The following ST8SIA6 variants were observed in gnomAD, a reference collection of about 807,000 sequenced individuals.
ST8SIA6 encodes alpha-2,8-sialyltransferase 8F.
A neutral mutation model predicts 33.6 loss-of-function variants in ST8SIA6; 39 were observed. That is an observed-to-expected ratio of 1.16 (90% CI 0.90 to 1.52). ST8SIA6 has a LOEUF of 1.52. Ranked by LOEUF, ST8SIA6 falls within the 40% of genes most tolerant of loss-of-function variation. ST8SIA6 has a pLI of 0.00. For missense variants in ST8SIA6, 441 were observed against 443.8 expected (o/e 0.99, Z 0.06); for synonymous variants, 172 against 167.2 (o/e 1.03, Z -0.22).
At chr10:17,324,875 G>T (rs1014305856) in intron 6 of ST8SIA6, among the ~76,000 whole-genome samples, 1 of 143,948 alleles carries the variant, frequency 6.9e-6, no homozygotes, top group African/African-American at 2.6e-5. Context: ...ATGCATATAT[G>T]TAATATATGT....
intron 2 of ST8SIA6, chr10:17,413,508 C>G (rs116814344): frequency 6.6e-6 from 1 of 152,116 alleles, no homozygotes; most frequent in East Asian, 1.9e-4. Context: ...TCTTTGACAT[C>G]GCTTCTGTCT....
chr10:17,428,562 C>G (rs965516858), intron 2 of ST8SIA6, among the ~76,000 whole-genome samples: 1 of 151,790 alleles, frequency 6.6e-6, no homozygotes, highest in African/African-American at 2.4e-5. Context: ...GAGGAGAGGC[C>G]GTTGGAAGGG....
At chr10:17,410,969 G>A (rs529348125) in intron 2 of ST8SIA6, among the ~76,000 whole-genome samples, 1 of 152,118 alleles carries the variant, frequency 6.6e-6, no homozygotes, top group South Asian at 2.1e-4. Context: ...GGTTAGCAGA[G>A]CATCCCAAGG....
At chr10:17,417,277 C>T (rs1267286212) in intron 2 of ST8SIA6, among the ~76,000 whole-genome samples, 1 of 152,138 alleles carries the variant, frequency 6.6e-6, no homozygotes. Flanking sequence ...CCAAACACCT[C>T]TCACTAGGCC....
chr10:17,328,403 A>G (rs1336401423), intron 5 of ST8SIA6, among the ~76,000 whole-genome samples: 2 of 152,000 alleles, frequency 1.3e-5, no homozygotes, highest in East Asian at 1.9e-4. Flanking sequence ...AAGGTTTCCT[A>G]TTTTCCCCAA....
At chr10:17,364,414 A>G (rs898647702) in intron 3 of ST8SIA6, among the ~76,000 whole-genome samples, 2 of 152,258 alleles carry the variant, frequency 1.3e-5, no homozygotes, top group African/African-American at 2.4e-5. Context: ...CTATTATTAG[A>G]TATACTTCTG....
At chr10:17,327,640 A>C (rs1309238633) in intron 5 of ST8SIA6, among the ~76,000 whole-genome samples, 1 of 148,824 alleles carries the variant, frequency 6.7e-6, no homozygotes, top group African/African-American at 2.5e-5. Flanking sequence ...GCAGTGGCTC[A>C]CATCTGTAAT....
rs577073407 is a variant in ST8SIA6 at position 17,327,470 on chromosome 10, C to T, written c.523-344G>A. On this transcript the variant is annotated intron_variant, in intron 5 of 7. Transcript: ENST00000377602. ...GGCGTGGTGGTGGGTGCCTGTAATC[C>T]GAGCTACTCGAGAGGCTGAGGCGGA... 3.3e-5 allele frequency among the ~76,000 whole-genome samples: 5 copies of T among 152,202 alleles called. No homozygotes were observed. The South Asian group carries it at 1.0e-3, about 32-fold the overall frequency.
chr10:17,422,549 C>G (rs569021991), intron 2 of ST8SIA6, among the ~76,000 whole-genome samples: 1 of 152,192 alleles, frequency 6.6e-6, no homozygotes, highest in African/African-American at 2.4e-5. Flanking sequence ...TAATTCTACT[C>G]CTCTCTCGCT....
At chr10:17,400,744 A>G (rs1290611857) in intron 2 of ST8SIA6, among the ~76,000 whole-genome samples, 1 of 152,236 alleles carries the variant, frequency 6.6e-6, no homozygotes. Context: ...TCATGCTAAA[A>G]TATCTCAATA....
intron 2 of ST8SIA6, chr10:17,408,317 A>T (rs1242088771): frequency 6.6e-6 from 1 of 152,594 alleles, no homozygotes; most frequent in African/African-American, 2.4e-5. Flanking sequence ...TGCAATCACC[A>T]TCAGCAAGTT....
At chr10:17,441,384 C>G (rs1218496997) in intron 2 of ST8SIA6, among the ~76,000 whole-genome samples, 1 of 152,036 alleles carries the variant, frequency 6.6e-6, no homozygotes, top group African/African-American at 2.4e-5. Context: ...GCGAGCTCAG[C>G]TGACTGCAAC....
intron 3 of ST8SIA6, among the ~76,000 whole-genome samples, chr10:17,372,774 A>T (rs1026268699): frequency 6.6e-6 from 1 of 152,228 alleles, no homozygotes; most frequent in Admixed American, 6.5e-5. Context: ...AACAGTAAAC[A>T]TTCATTATTG....
At chr10:17,437,847 C>T (rs958076374) in intron 2 of ST8SIA6, among the ~76,000 whole-genome samples, 1 of 152,106 alleles carries the variant, frequency 6.6e-6, no homozygotes, top group African/African-American at 2.4e-5. Flanking sequence ...TCTTCTGCCT[C>T]AGCCTCCTGA....
At chr10:17,359,428 C>T (rs559144154) in intron 4 of ST8SIA6, 86 bp downstream of exon 4, 2 of 1,123,904 alleles carry the variant, frequency 1.8e-6, no homozygotes, top group Non-Finnish European at 2.6e-6. Context: ...TTCTACTTCT[C>T]TTTTTAATAA....
chr10:17,444,278 T>TTGCTTTGACATATGTGTGTAAACTC (rs1852618034), intron 2 of ST8SIA6, among the ~76,000 whole-genome samples: 1 of 152,172 alleles, frequency 6.6e-6, no homozygotes, highest in Non-Finnish European at 1.5e-5. Context: ...GAAACCACCT[T>TTGCTTTGACATATGTGTGTAAACTC]TGCTTTGACA....
chr10:17,447,260 G>T (rs1852747251), intron 2 of ST8SIA6, among the ~76,000 whole-genome samples: 1 of 151,758 alleles, frequency 6.6e-6, no homozygotes, highest in Non-Finnish European at 1.5e-5. Context: ...ATAAAAATTA[G>T]CTAGGTGCAG....
chr10:17,367,076 A>G (rs1266597516), intron 3 of ST8SIA6, among the ~76,000 whole-genome samples: 1 of 152,204 alleles, frequency 6.6e-6, no homozygotes, highest in African/African-American at 2.4e-5. Context: ...AAAATTTGAT[A>G]CAATGCCAAA....
chr10:17,378,611 C>A (rs948173318), intron 3 of ST8SIA6, among the ~76,000 whole-genome samples: 1 of 152,158 alleles, frequency 6.6e-6, no homozygotes, highest in Non-Finnish European at 1.5e-5. Context: ...GTAACACCCG[C>A]ATACCCAACA....
Sources: gnomAD v4.1 joint callset for allele counts (sites outside exome capture counted in the v4.1 genomes callset) on GRCh38, gnomAD v4.1.1 for gene constraint, MANE v1.5 for transcripts, NCBI Gene and HGNC (gene_info 2026-07-23, HGNC 2026-07-21) for gene names.